Variants in GTF3C5 observed in about 807,000 individuals in gnomAD.
The protein encoded by GTF3C5 is general transcription factor 3C polypeptide 5.
A neutral mutation model predicts 61.0 loss-of-function variants in GTF3C5; 47 were observed. The observed-to-expected ratio is 0.77, with a 90% confidence interval of 0.61 to 0.98. The LOEUF (loss-of-function observed/expected upper bound fraction) is 0.98, where lower values mean the gene tolerates loss of function less well. Ranked by LOEUF, GTF3C5 falls within the 50% of genes least tolerant of loss-of-function variation. The probability of loss-of-function intolerance (pLI) is 0.00; values close to 1 mark genes in which losing one functional copy is unlikely to be tolerated. For missense variants in GTF3C5, 659 were observed against 703.3 expected (o/e 0.94, Z 0.71); for synonymous variants, 295 against 275.4 (o/e 1.07, Z -0.71).
At chr9:133,054,593 C>G in intron 7 of GTF3C5, 105 bp downstream of exon 7, 1 of 1,418,366 alleles carries the variant, frequency 7.1e-7, no homozygotes, top group Non-Finnish European at 9.8e-7. Context: ...CTCCAGGGCT[C>G]TGCCGGTCAT....
rs1850358037 is a variant in GTF3C5, at chr9:133,051,058, C to T, written c.768+80C>T. 6 of 1,151,740 alleles carry T rather than the reference C, an allele frequency of 5.2e-6. No homozygotes were observed. The African/African-American group carries it at 6.3e-5, about 12-fold the overall frequency. The allele number at this position is 1,151,740 out of a possible 1,614,324, so 71.3% of individuals were successfully genotyped here. On this transcript the variant is annotated intron_variant, in intron 4 of 10. Transcript: ENST00000372097. ...CGTGTTTACCCAGCTGCTCCCTGTTCCTGGCTGTGGGGTTGGCTGCACTGA... is the reference window on the plus strand; with the variant it reads ...CGTGTTTACCCAGCTGCTCCCTGTTTCTGGCTGTGGGGTTGGCTGCACTGA...
chr9:133,057,793 C>T (rs1379132438), intron 10 of GTF3C5, 21 bp from the exon 11 acceptor site: 1 of 1,576,188 alleles, frequency 6.3e-7, no homozygotes, highest in Non-Finnish European at 8.6e-7. Context: ...ACACCCATGG[C>T]CTTGTCTCCT....
rs1418633326 is a variant in GTF3C5 at position 133,050,873 on chromosome 9, T to G, written c.663T>G (p.Phe221Leu). The change falls in exon 4 of 11, where the codon TTT (phenylalanine) becomes TTG (leucine). Residue 221 changes from phenylalanine to leucine, a missense_variant. By Grantham distance (22) the Phe-to-Leu change is conservative (BLOSUM62 0). Coordinates refer to ENST00000372097, the MANE Select transcript of GTF3C5 (RefSeq NM_012087.4). ...RRPHNAIFVNFEDEEVPKQPL... is the reference protein window; with the variant it reads ...RRPHNAIFVNLEDEEVPKQPL... ...CCCACAATGCCATCTTTGTCAACTT[T>G]GAGGATGAGGAGGTGCCCAAGCAGC... 1.5e-5 allele frequency: 25 copies of G among 1,613,164 alleles called. No homozygotes were observed. The highest frequency in any genetic ancestry group is 1.6e-5 in the Non-Finnish European group (19 of 1,179,666).
At chr9:133,038,175 A>C (rs1849931096) in intron 1 of GTF3C5, among the ~76,000 whole-genome samples, 1 of 152,176 alleles carries the variant, frequency 6.6e-6, no homozygotes. Flanking sequence ...TTGAAGATGG[A>C]GAACAAAGAA....
intron 3 of GTF3C5, among the ~76,000 whole-genome samples, chr9:133,045,446 G>GA (rs1158345411): frequency 6.6e-6 from 1 of 152,174 alleles, no homozygotes; most frequent in Non-Finnish European, 1.5e-5. Context: ...AGACAACATG[G>GA]AAAAAAACTT....
In GTF3C5 at chr9:133,050,855, T is replaced by C; in HGVS notation, c.645T>C (p.Asn215=). ...TGAGCAGAGCCCGGCGCCCCCACAATGCCATCTTTGTCAACTTTGAGGATG... is the reference window on the plus strand; with the variant it reads ...TGAGCAGAGCCCGGCGCCCCCACAACGCCATCTTTGTCAACTTTGAGGATG... ...IGLSRARRPH[N]AIFVNFEDEE... Residue 215 remains asparagine (N), a synonymous_variant, in exon 4 of 11, where the codon AAT becomes AAC. Transcript: ENST00000372097. 2 of 1,612,068 alleles carry C rather than the reference T, an allele frequency of 1.2e-6. No homozygotes were observed. The highest frequency in any genetic ancestry group is 8.5e-7 in the Non-Finnish European group (1 of 1,179,150).
intron 3 of GTF3C5, among the ~76,000 whole-genome samples, chr9:133,048,416 G>A (rs536659362): frequency 6.6e-6 from 1 of 152,246 alleles, no homozygotes; most frequent in South Asian, 2.1e-4. Context: ...AGAATGGCGT[G>A]AACCCGCGAG....
Position 133,050,773 on chromosome 9 carries a change from C to T in GTF3C5, c.573-10C>T. The T allele has an allele frequency of 6.2e-7, 1 of 1,605,978 alleles. No individual in the cohort carries two copies. Among genetic ancestry groups the T allele is most frequent in the Non-Finnish European group, 8.5e-7 (1 of 1,174,728 alleles). Reference sequence around the variant, plus strand: ...GTGCTCCTGTTCTCACCTGTACTCTCTGCCCCCAGGGAAGGCTACAACAAT... The same window carrying T: ...GTGCTCCTGTTCTCACCTGTACTCTTTGCCCCCAGGGAAGGCTACAACAAT... On this transcript the variant is annotated splice_polypyrimidine_tract_variant and intron_variant, in intron 3 of 10. Coordinates refer to ENST00000372097, the MANE Select transcript of GTF3C5 (RefSeq NM_012087.4).
intron 2 of GTF3C5, 118 bp from the exon 3 acceptor site, chr9:133,043,610 C>A: frequency 1.3e-6 from 1 of 776,680 alleles, no homozygotes; most frequent in Non-Finnish European, 2.2e-6. Context: ...CCACCCTCAC[C>A]CTGCAGCCTC....
At chr9:133,036,189 A>G (rs534391089) in intron 1 of GTF3C5, among the ~76,000 whole-genome samples, 1 of 152,286 alleles carries the variant, frequency 6.6e-6, no homozygotes, top group East Asian at 1.9e-4. Flanking sequence ...CTGAATCTAA[A>G]CACTCATGCT....
intron 3 of GTF3C5, among the ~76,000 whole-genome samples, chr9:133,049,079 T>C (rs1054706929): frequency 5.9e-5 from 9 of 152,236 alleles, no homozygotes; most frequent in Non-Finnish European, 1.3e-4. Flanking sequence ...GGGTCCCTCC[T>C]GTTCCTCAGG....
At chr9:133,048,269 G>A (rs935746661) in intron 3 of GTF3C5, among the ~76,000 whole-genome samples, 2 of 152,196 alleles carry the variant, frequency 1.3e-5, no homozygotes, top group African/African-American at 2.4e-5. Flanking sequence ...AGGCCGAGGC[G>A]GGTGGATCAC....
chr9:133,030,767 C>T (rs934392248), upstream of GTF3C5: 4 of 611,488 alleles, frequency 6.5e-6, no homozygotes, highest in Non-Finnish European at 1.2e-5. Context: ...TTGCCCCGCC[C>T]GGTGGACTAA....
In GTF3C5 at chr9:133,031,181, C is replaced by T; in HGVS notation, c.153+17C>T. On this transcript the variant is annotated intron_variant, in intron 1 of 10. Coordinates refer to ENST00000372097, the MANE Select transcript of GTF3C5 (RefSeq NM_012087.4). ...GTCTCCCGGGTAAGGGGCTGGGAATCTCGGTGTTGGAATAAGAGCTCGGAG... is the reference window on the plus strand; with the variant it reads ...GTCTCCCGGGTAAGGGGCTGGGAATTTCGGTGTTGGAATAAGAGCTCGGAG... The T allele has an allele frequency of 6.5e-7, 1 of 1,550,156 alleles. No individual in the cohort carries two copies. Among genetic ancestry groups the T allele is most frequent in the Non-Finnish European group, 8.7e-7 (1 of 1,147,528 alleles).
At chr9:133,051,428 C>G (rs956872650) in intron 4 of GTF3C5, among the ~76,000 whole-genome samples, 1 of 152,040 alleles carries the variant, frequency 6.6e-6, no homozygotes, top group African/African-American at 2.4e-5. Flanking sequence ...GCATCAGGTT[C>G]ACAGGCCACT....
intron 1 of GTF3C5, 98 bp from the exon 2 acceptor site, chr9:133,041,989 C>A: frequency 1.2e-6 from 1 of 801,154 alleles, no homozygotes; most frequent in Non-Finnish European, 2.1e-6. Context: ...CCTGGCCTTT[C>A]CTGGATCACC....
intron 3 of GTF3C5, among the ~76,000 whole-genome samples, chr9:133,047,054 G>A (rs1300503349): frequency 6.6e-6 from 1 of 152,188 alleles, no homozygotes; most frequent in Non-Finnish European, 1.5e-5. Flanking sequence ...CGTCCAGTGA[G>A]CAACATTCTG....
chr9:133,042,715 G>A (rs940508155), intron 2 of GTF3C5, among the ~76,000 whole-genome samples: 3 of 152,174 alleles, frequency 2.0e-5, no homozygotes, highest in African/African-American at 4.8e-5. Context: ...TGAACTCTCA[G>A]CAGGTTGAAC....
chr9:133,054,585 C>G (rs1829872361), intron 7 of GTF3C5, 97 bp downstream of exon 7: 8 of 1,425,454 alleles, frequency 5.6e-6, no homozygotes, highest in Non-Finnish European at 7.8e-6. Flanking sequence ...GGGGGTCACT[C>G]CAGGGCTCTG....
Sources: gnomAD v4.1 joint callset for allele counts (sites outside exome capture counted in the v4.1 genomes callset) on GRCh38, gnomAD v4.1.1 for gene constraint, MANE v1.5 for transcripts, NCBI Gene and HGNC (gene_info 2026-07-23, HGNC 2026-07-21) for gene names.